The following CBFA2T3 variants were observed in gnomAD, a reference collection of about 807,000 sequenced individuals.
The protein encoded by CBFA2T3 is transcriptional corepressor CBFA2T3.
CBFA2T3 carries 31 observed loss-of-function variants against 58.6 expected under a neutral mutation model. That is an observed-to-expected ratio of 0.53 (90% confidence interval 0.40 to 0.71). The LOEUF is 0.71. CBFA2T3 is among the 30% of genes least tolerant of loss of function. CBFA2T3 has a pLI of 0.00. For synonymous variants in CBFA2T3, 531 were observed against 421.9 expected, an observed-to-expected ratio of 1.26 and a Z score of -3.17; for missense variants, 1,076 against 963.1, an observed-to-expected ratio of 1.12 and a Z score of -1.55.
At chr16:88,970,422 G>T (rs1283649991) in intron 1 of CBFA2T3, among the ~76,000 whole-genome samples, 1 of 152,200 alleles carries the variant, frequency 6.6e-6, no homozygotes, top group East Asian at 1.9e-4. Context: ...CAGCTGCCTT[G>T]CCTCTGGGAG....
chr16:88,888,593 T>TGGGAG (rs1969492999), intron 5 of CBFA2T3, among the ~76,000 whole-genome samples: 2 of 2,376 alleles, frequency 8.4e-4, no homozygotes, highest in Admixed American at 5.4e-3. Flanking sequence ...TGGGGTGGGG[T>TGGGAG]GGGGTGGGTG....
At chr16:88,882,548 G>A (rs1453763262) in intron 8 of CBFA2T3, 128 bp downstream of exon 8, 5 of 668,618 alleles carry the variant, frequency 7.5e-6, no homozygotes, top group Admixed American at 2.1e-5. Context: ...GTGTGCATGG[G>A]TGTGGCTGTG....
chr16:88,933,271 A>C (rs1971379780), intron 1 of CBFA2T3, among the ~76,000 whole-genome samples: 1 of 151,872 alleles, frequency 6.6e-6, no homozygotes, highest in South Asian at 2.1e-4. Context: ...ACAGTGCCAC[A>C]CGTCTGCACG....
At chr16:88,878,941 G>A (rs1388041177) in intron 11 of CBFA2T3, among the ~76,000 whole-genome samples, 3 of 152,204 alleles carry the variant, frequency 2.0e-5, no homozygotes, top group African/African-American at 7.2e-5. Context: ...GGCAACAAGA[G>A]TGAAACTCCA....
chr16:88,901,130 G>A (rs1426310206), intron 2 of CBFA2T3, among the ~76,000 whole-genome samples: 1 of 152,274 alleles, frequency 6.6e-6, no homozygotes, highest in Non-Finnish European at 1.5e-5. Context: ...CTCTGGATGA[G>A]CCTGGCATTC....
chr16:88,885,622 G>A lies in CBFA2T3; in HGVS notation c.893+339C>T. The A allele has an allele frequency of 4.7e-6, 2 of 422,454 alleles. No individual in the cohort carries two copies. The highest frequency in any genetic ancestry group is 4.0e-5 in the Admixed American group (1 of 24,764). The allele number at this position is 422,454 out of a possible 1,614,324, so 26.2% of individuals were successfully genotyped here. A position where few individuals can be genotyped will look rare whatever the true frequency, so the allele number is the denominator to read the frequency against. On this transcript the variant is annotated intron_variant, in intron 6 of 11. Transcript: ENST00000268679. The surrounding 1 kb of genome is among the most constrained non-coding windows in gnomAD (Gnocchi z 5.3). The stretch of plus-strand genomic sequence containing the variant: ...GGGCAGCAGCAGCACAAGAGCGTCT[G>A]GGGCAGCAGAGGGGGCCCAGCCCAG...
chr16:88,901,498 A>C lies in CBFA2T3; in HGVS notation c.304+6T>G, dbSNP rs779153419. On this transcript the variant is annotated splice_donor_region_variant and intron_variant, in intron 2 of 11. Coordinates refer to ENST00000268679, the MANE Select transcript of CBFA2T3 (RefSeq NM_005187.6). ...GGCCCTCGGCTGCCAGGTGGGGGCT[A>C]CTTACGTGTGTGTGGCGTGAAGGAG... The C allele has an allele frequency of 6.9e-7, 1 of 1,456,664 alleles. No homozygotes were observed. Among genetic ancestry groups the C allele is most frequent in the Admixed American group, 2.9e-5 (1 of 34,608 alleles). The allele number at this position is 1,456,664 out of a possible 1,614,324, so 90.2% of individuals were successfully genotyped here. A position where few individuals can be genotyped will look rare whatever the true frequency, so the allele number is the denominator to read the frequency against.
intron 1 of CBFA2T3, among the ~76,000 whole-genome samples, chr16:88,944,615 C>G (rs982840238): frequency 6.6e-6 from 1 of 152,228 alleles, no homozygotes; most frequent in African/African-American, 2.4e-5. Context: ...CCATCCTGAT[C>G]CCCCTCCCCA....
At chr16:88,894,402 TGC>T (rs1491171144) in intron 3 of CBFA2T3, among the ~76,000 whole-genome samples, 7 of 111,766 alleles carry the variant, frequency 6.3e-5, no homozygotes, top group African/African-American at 2.7e-4. Flanking sequence ...CACACACACA[TGC>T]ACACACACAT....
At chr16:88,899,359 G>T (rs1392735707) in intron 2 of CBFA2T3, among the ~76,000 whole-genome samples, 1 of 152,194 alleles carries the variant, frequency 6.6e-6, no homozygotes, top group Admixed American at 6.5e-5. Context: ...CTACCTCAGG[G>T]GTGGCCAGAG....
intron 1 of CBFA2T3, among the ~76,000 whole-genome samples, chr16:88,914,047 G>A (rs1970610388): frequency 6.6e-6 from 1 of 152,240 alleles, no homozygotes; most frequent in Admixed American, 6.5e-5. Context: ...ACACGAGGCT[G>A]CAGCACGGCC....
At chr16:88,923,985 C>T (rs893818357) in intron 1 of CBFA2T3, among the ~76,000 whole-genome samples, 21 of 152,162 alleles carry the variant, frequency 1.4e-4, no homozygotes, top group African/African-American at 4.3e-4. Context: ...GTGCACAGCC[C>T]GGCAAGGGTG....
chr16:88,948,837 T>A (rs900214993), intron 1 of CBFA2T3, among the ~76,000 whole-genome samples: 4 of 152,148 alleles, frequency 2.6e-5, no homozygotes, highest in Non-Finnish European at 5.9e-5. Flanking sequence ...TCTCTTGTCT[T>A]TGTTGAAGTT....
chr16:88,919,900 G>A (rs190582463), intron 1 of CBFA2T3, among the ~76,000 whole-genome samples: 35 of 152,336 alleles, frequency 2.3e-4, no homozygotes, highest in Non-Finnish European at 2.8e-4. Context: ...CAATGATAGC[G>A]TCTCCCTGGA....
At chr16:88,975,650 T>C (rs547247691) in intron 1 of CBFA2T3, among the ~76,000 whole-genome samples, 1 of 152,258 alleles carries the variant, frequency 6.6e-6, no homozygotes, top group Non-Finnish European at 1.5e-5. Flanking sequence ...GCACTGGCTG[T>C]GGTGAGGTCC....
intron 10 of CBFA2T3, chr16:88,879,668 C>A: frequency 1.8e-6 from 1 of 551,100 alleles, no homozygotes; most frequent in Non-Finnish European, 3.3e-6. Context: ...GTTGATGGCC[C>A]TCATGCCTGT....
At chr16:88,951,175 A>G (rs1453158207) in intron 1 of CBFA2T3, 4 of 364,892 alleles carry the variant, frequency 1.1e-5, no homozygotes, top group South Asian at 5.7e-5. Flanking sequence ...AGAGGGTCAG[A>G]GTGTTGGCAC....
chr16:88,909,225 C>T lies in CBFA2T3; in HGVS notation c.152-7569G>A, dbSNP rs575918070. ...CTGGGGCTGTGGTGCAGGCAGGGCTCGGAGATGCTCAGGACAGGTCCAGGA... is the reference window on the plus strand; with the variant it reads ...CTGGGGCTGTGGTGCAGGCAGGGCTTGGAGATGCTCAGGACAGGTCCAGGA... On this transcript the variant is annotated intron_variant, in intron 1 of 11. Coordinates refer to ENST00000268679, the MANE Select transcript of CBFA2T3 (RefSeq NM_005187.6). Among the ~76,000 whole-genome samples the T allele has an allele frequency of 2.0e-5, 3 of 152,316 alleles. No homozygotes were observed. The South Asian group carries it at 6.2e-4, about 32-fold the overall frequency.
At chr16:88,906,736 G>A (rs1015761483) in intron 1 of CBFA2T3, among the ~76,000 whole-genome samples, 4 of 152,204 alleles carry the variant, frequency 2.6e-5, no homozygotes, top group African/African-American at 7.2e-5. Context: ...CTTTCTAGAC[G>A]GGGAAACTGA....
Sources: gnomAD v4.1 joint callset for allele counts (sites outside exome capture counted in the v4.1 genomes callset) on GRCh38, gnomAD v4.1.1 for gene constraint, Gnocchi (gnomAD v3.1) non-coding constraint, MANE v1.5 for transcripts, NCBI Gene and HGNC (gene_info 2026-07-23, HGNC 2026-07-21) for gene names.